Variants in DAB2 observed in about 807,000 individuals in gnomAD.
DAB2 encodes the protein disabled homolog 2.
DAB2 carries 28 observed loss-of-function variants against 71.6 expected under a neutral mutation model. The ratio of observed to expected loss-of-function variants is 0.39; its 90% CI spans 0.29 to 0.54. The LOEUF is 0.54. DAB2 is among the 20% of genes least tolerant of loss of function. DAB2 has a pLI of 0.68. For synonymous variants in DAB2, 345 were observed against 339.7 expected, an observed-to-expected ratio of 1.02 and a Z score of -0.17; for missense variants, 867 against 928.8, an observed-to-expected ratio of 0.93 and a Z score of 0.86.
At chr5:39,388,631 C>G (rs1186108974) in intron 8 of DAB2, among the ~76,000 whole-genome samples, 168 bp downstream of exon 8, 1 of 152,074 alleles carries the variant, frequency 6.6e-6, no homozygotes, top group Non-Finnish European at 1.5e-5. Context: ...CTTTTTTTGA[C>G]TACTTTTGTA....
chr5:39,388,374 A>G lies in DAB2; in HGVS notation c.625-7T>C, dbSNP rs1191841853. On this transcript the variant is annotated splice_polypyrimidine_tract_variant and splice_region_variant and intron_variant, in intron 8 of 14. Transcript: ENST00000320816. ...AATCCATCTGGTCAACACCCTTAAAAAAGTATTTGGATTAGATTCAGATGT... is the reference window on the plus strand; with the variant it reads ...AATCCATCTGGTCAACACCCTTAAAGAAGTATTTGGATTAGATTCAGATGT... 4 of 1,601,638 alleles carry G rather than the reference A, an allele frequency of 2.5e-6. No individual in the cohort carries two copies. The Admixed American group carries it at 6.7e-5, about 27-fold the overall frequency.
chr5:39,416,158 A>G (rs149026454), intron 1 of DAB2, among the ~76,000 whole-genome samples: 2 of 152,080 alleles, frequency 1.3e-5, no homozygotes, highest in Admixed American at 1.3e-4. Context: ...TGTATCATAC[A>G]TGTCCCTCAT....
At chr5:39,407,086 C>T (rs1474618176) in intron 1 of DAB2, among the ~76,000 whole-genome samples, 1 of 152,198 alleles carries the variant, frequency 6.6e-6, no homozygotes, top group Non-Finnish European at 1.5e-5. Flanking sequence ...GCTTTTACTA[C>T]AATCCTCCCT....
rs1415431495 is a variant in DAB2 at position 39,390,461 on chromosome 5, T to C, written c.445A>G (p.Ile149Val). The C allele has an allele frequency of 2.5e-6, 4 of 1,614,010 alleles. No homozygotes were observed. Among genetic ancestry groups the C allele is most frequent in the East Asian group, 2.2e-5 (1 of 44,888 alleles). Residue 149 changes from isoleucine (I) to valine (V), a missense_variant, in exon 5 of 15, where the codon ATA becomes GTA. Physicochemically the swap from Ile to Val is conservative, Grantham distance 29. Transcript: ENST00000320816. ...GAGCTCACCTGTTGCCCGGTTTTTA[T>C]GGCAAAAAACTGATGCTGGCCTTCT... is the stretch of plus-strand genomic sequence containing the variant. The part of the protein sequence containing the change: ...GGEGQHQFFA[I>V]KTGQQAEPLV...
chr5:39,386,801 A>T (rs1245327395), intron 9 of DAB2, among the ~76,000 whole-genome samples: 2 of 152,176 alleles, frequency 1.3e-5, no homozygotes, highest in African/African-American at 2.4e-5. Flanking sequence ...AATGTCATTT[A>T]TACTTGGGAA....
chr5:39,404,951 G>C lies in DAB2; in HGVS notation c.-101-10530C>G, dbSNP rs183175943. Reference sequence around the variant, plus strand: ...TTCACAAGCTGAACAGAAGTATTAAGGTTATGATCAATTTTGCAATTGTAT... The same window carrying C: ...TTCACAAGCTGAACAGAAGTATTAACGTTATGATCAATTTTGCAATTGTAT... On this transcript the variant is annotated intron_variant, in intron 1 of 14. Coordinates refer to ENST00000320816, the MANE Select transcript of DAB2 (RefSeq NM_001343.4). Among the ~76,000 whole-genome samples the C allele has an allele frequency of 5.3e-5, 8 of 152,302 alleles. No individual in the cohort carries two copies. In the East Asian group the frequency reaches 1.3e-3, roughly 26 times the overall value.
In DAB2 at chr5:39,372,091, G is replaced by C. The variant is rs113936152; in HGVS notation, c.*1340C>G. The C allele has an allele frequency of 1.3e-5, 2 of 152,102 alleles. No homozygotes were observed. Among genetic ancestry groups the C allele is most frequent in the Non-Finnish European group, 2.9e-5 (2 of 68,050 alleles). The allele number at this position is 152,102 out of a possible 1,614,324, so 9.4% of individuals were successfully genotyped here. A position where few individuals can be genotyped will look rare whatever the true frequency, so the allele number is the denominator to read the frequency against. ...ACTCCCACAAGAACCTGAGCATTAA[G>C]GGTCAAGAGACAACATTAAAAACCC... On this transcript the variant is annotated 3_prime_UTR_variant, in exon 15 of 15. Coordinates refer to ENST00000320816, the MANE Select transcript of DAB2 (RefSeq NM_001343.4).
intron 1 of DAB2, among the ~76,000 whole-genome samples, chr5:39,399,919 T>C (rs753162366): frequency 6.6e-6 from 1 of 152,188 alleles, no homozygotes; most frequent in Non-Finnish European, 1.5e-5. Flanking sequence ...TAGGAATGTG[T>C]TGGCATCAGC....
chr5:39,384,786 A>C (rs700242), intron 9 of DAB2, among the ~76,000 whole-genome samples: 55,381 of 151,606 alleles, frequency 0.37, 10,586 homozygotes, highest in Middle Eastern at 0.49. Context: ...TTAAATACTT[A>C]ACTATGCTAC....
chr5:39,411,353 C>T (rs537912264), intron 1 of DAB2, among the ~76,000 whole-genome samples: 1 of 152,230 alleles, frequency 6.6e-6, no homozygotes, highest in South Asian at 2.1e-4. Context: ...TCTTTCAGAG[C>T]AGTCTCCTCT....
chr5:39,398,888 A>G (rs1755437587), intron 1 of DAB2, among the ~76,000 whole-genome samples: 1 of 152,204 alleles, frequency 6.6e-6, no homozygotes, highest in Non-Finnish European at 1.5e-5. Flanking sequence ...GTAGAGAATA[A>G]TTGGTTTAAA....
chr5:39,382,925 T>C lies in DAB2; in HGVS notation c.1034A>G (p.Gln345Arg), dbSNP rs1182217684. Reference sequence around the variant, plus strand: ...CCGGTTAGAGATCTGGTCAAATTGCTGACCAAAGTAGTCAACATCACCATT... The same window carrying C: ...CCGGTTAGAGATCTGGTCAAATTGCCGACCAAAGTAGTCAACATCACCATT... ...PLNGDVDYFGQQFDQISNRTG... is the reference protein window; with the variant it reads ...PLNGDVDYFGRQFDQISNRTG... The change falls in exon 10 of 15, where the codon CAG becomes CGG. Residue 345 changes from glutamine (Q) to arginine (R), a missense_variant. Transcript: ENST00000320816. 4.3e-6 allele frequency: 7 copies of C among 1,614,044 alleles called. No homozygotes were observed. The highest frequency in any genetic ancestry group is 5.9e-6 in the Non-Finnish European group (7 of 1,180,028).
At chr5:39,392,589 G>T in intron 3 of DAB2, 126 bp from the exon 4 acceptor site, 1 of 679,918 alleles carries the variant, frequency 1.5e-6, no homozygotes, top group Non-Finnish European at 2.5e-6. Flanking sequence ...GAGAGGATTC[G>T]GCACTTTTCA....
chr5:39,405,724 G>C (rs773623754), intron 1 of DAB2, among the ~76,000 whole-genome samples: 10 of 152,182 alleles, frequency 6.6e-5, no homozygotes, highest in Non-Finnish European at 1.3e-4. Context: ...TCCTTATATG[G>C]TATGTCTTTC....
intron 1 of DAB2, among the ~76,000 whole-genome samples, chr5:39,412,221 C>T (rs1013423033): frequency 1.3e-5 from 2 of 152,042 alleles, no homozygotes; most frequent in Admixed American, 1.3e-4. Context: ...CCACTAGCTA[C>T]CCTAGATTTT....
chr5:39,383,220 G>T lies in DAB2; in HGVS notation c.739C>A (p.Gln247Lys). 1 of 1,613,722 alleles carries T rather than the reference G, an allele frequency of 6.2e-7. No homozygotes were observed. The highest frequency in any genetic ancestry group is 1.1e-5 in the South Asian group (1 of 91,040). ...VDLNSEIDTN[Q>K]NSLRENPFLT... ...AATGGATTTTCTCTTAAAGAATTCT[G>T]ATTGGTGTCGATTTCAGAGTTTAGA... The change falls in exon 10 of 15, where the codon CAG (glutamine) becomes AAG (lysine). Residue 247 changes from glutamine to lysine, a missense_variant. This residue lies in a region of DAB2 where 740 missense variants were observed against 734.3 expected (regional missense o/e 1.01). Transcript: ENST00000320816.
intron 1 of DAB2, among the ~76,000 whole-genome samples, chr5:39,399,109 G>C (rs1731945532): frequency 6.6e-6 from 1 of 152,282 alleles, no homozygotes; most frequent in African/African-American, 2.4e-5. Context: ...TTAAGCAATG[G>C]GGTCTGTTTG....
chr5:39,392,511 T>C, intron 3 of DAB2, 48 bp from the exon 4 acceptor site: 1 of 1,360,518 alleles, frequency 7.4e-7, no homozygotes, highest in Non-Finnish European at 1.0e-6. Flanking sequence ...AAAAACATCC[T>C]ACAATGGTTT....
intron 1 of DAB2, among the ~76,000 whole-genome samples, chr5:39,416,593 G>A (rs2112109401): frequency 6.6e-6 from 1 of 152,190 alleles, no homozygotes; most frequent in East Asian, 1.9e-4. Context: ...ACCTTCTTAT[G>A]TGGTCTGCTA....
Sources: gnomAD v4.1 joint callset for allele counts (sites outside exome capture counted in the v4.1 genomes callset) on GRCh38, gnomAD v4.1.1 for gene constraint, gnomAD v4.1.1 regional missense constraint, MANE v1.5 for transcripts, NCBI Gene and HGNC (gene_info 2026-07-23, HGNC 2026-07-21) for gene names.